The following ZNF778 variants were observed in gnomAD, a reference collection of about 807,000 sequenced individuals.
ZNF778 encodes zinc finger protein 778.
Under a neutral mutation model 23.9 loss-of-function variants are expected in ZNF778, and 37 were observed. The ratio of observed to expected loss-of-function variants is 1.54; its 90% CI spans 1.19 to 2.03. The LOEUF is 2.03. Ranked by LOEUF, ZNF778 falls within the 30% of genes most tolerant of loss-of-function variation. The probability of loss-of-function intolerance (pLI) is 0.00; values close to 1 mark genes in which losing one functional copy is unlikely to be tolerated. For missense variants in ZNF778, 1,297 were observed against 934.4 expected (o/e 1.39, Z -5.06); for synonymous variants, 483 against 343.9 (o/e 1.40, Z -4.48).
In ZNF778 at chr16:89,229,398, C is replaced by G; in HGVS notation, c.*836C>G. ...CTCTGGTTGGTTAGTCTTGAGGATC[C>G]AGATGTGATTCTGTGAGCAGTGTAG... On this transcript the variant is annotated 3_prime_UTR_variant, in exon 7 of 7. Coordinates refer to ENST00000433976, the MANE Select transcript of ZNF778 (RefSeq NM_001201407.2). 2.0e-6 allele frequency: 2 copies of G among 983,946 alleles called. No homozygotes were observed. Among genetic ancestry groups the G allele is most frequent in the South Asian group, 9.4e-5 (2 of 21,198 alleles). The allele number at this position is 983,946 out of a possible 1,614,324, so 61.0% of individuals were successfully genotyped here. A position where few individuals can be genotyped will look rare whatever the true frequency, so the allele number is the denominator to read the frequency against.
Position 89,217,721 on chromosome 16 carries a change from G to A in ZNF778, c.-321G>A, listed in dbSNP as rs1199647557. 6.6e-6 allele frequency: 1 copy of A among 152,382 alleles called. No homozygotes were observed. Among genetic ancestry groups the A allele is most frequent in the Non-Finnish European group, 1.5e-5 (1 of 68,046 alleles). The allele number at this position is 152,382 out of a possible 1,614,324, so 9.4% of individuals were successfully genotyped here. ...CCTCCGCCTGTCTTACAGCTGATCC[G>A]GTTCTTGCGGCGGTGCGTGCTGGCG... On this transcript the variant is annotated 5_prime_UTR_variant, in exon 1 of 7. Transcript: ENST00000433976.
In ZNF778 at chr16:89,232,926, C is replaced by T. The variant is rs544361723; in HGVS notation, c.*4364C>T. ...TGCAACTCAACTCGCACTGCGTATGCGAATCCACTCACTGCCTATGCAACT... is the reference window on the plus strand; with the variant it reads ...TGCAACTCAACTCGCACTGCGTATGTGAATCCACTCACTGCCTATGCAACT... On this transcript the variant is annotated 3_prime_UTR_variant, in exon 7 of 7. Coordinates refer to ENST00000433976, the MANE Select transcript of ZNF778 (RefSeq NM_001201407.2). 2.8e-4 allele frequency: 357 copies of T among 1,268,704 alleles called. No individual in the cohort carries two copies. The African/African-American group carries it at 4.8e-3, about 17-fold the overall frequency. The allele number at this position is 1,268,704 out of a possible 1,614,324, so 78.6% of individuals were successfully genotyped here.
rs968646824 is a variant in ZNF778 at position 89,232,475 on chromosome 16, T to G, written c.*3913T>G. On this transcript the variant is annotated 3_prime_UTR_variant, in exon 7 of 7. Coordinates refer to ENST00000433976, the MANE Select transcript of ZNF778 (RefSeq NM_001201407.2). ...TGGAAAACTGGGTTATGGGCAGGAC[T>G]GCAAGTACTGGTTAGGCAGATACCT... The G allele has an allele frequency of 1.6e-5, 7 of 432,816 alleles. No homozygotes were observed. Among genetic ancestry groups the G allele is most frequent in the East Asian group, 1.5e-4 (2 of 13,174 alleles). The allele number at this position is 432,816 out of a possible 1,614,324, so 26.8% of individuals were successfully genotyped here. A position where few individuals can be genotyped will look rare whatever the true frequency, so the allele number is the denominator to read the frequency against.
chr16:89,236,579 C>G lies in ZNF778; in HGVS notation c.*8017C>G, dbSNP rs1221471824. On this transcript the variant is annotated 3_prime_UTR_variant, in exon 7 of 7. Coordinates refer to ENST00000433976, the MANE Select transcript of ZNF778 (RefSeq NM_001201407.2). ...GATCAGATCATTCTACTCTTGAGTT[C>G]TTTAAAATATATATTATTGTCAAAA... 6.6e-6 allele frequency: 1 copy of G among 152,138 alleles called. No homozygotes were observed. Among genetic ancestry groups the G allele is most frequent in the Non-Finnish European group, 1.5e-5 (1 of 68,030 alleles). The allele number at this position is 152,138 out of a possible 1,614,324, so 9.4% of individuals were successfully genotyped here.
At chr16:89,223,468 C>T (rs2031166368) in intron 4 of ZNF778, among the ~76,000 whole-genome samples, 185 bp downstream of exon 4, 3 of 152,126 alleles carry the variant, frequency 2.0e-5, no homozygotes, top group Admixed American at 6.6e-5. Flanking sequence ...TGAGCATCAC[C>T]GTCACTCCTC....
chr16:89,235,262 A>T lies in ZNF778; in HGVS notation c.*6700A>T, dbSNP rs1231430416. 6.6e-6 allele frequency: 1 copy of T among 151,876 alleles called. No homozygotes were observed. The highest frequency in any genetic ancestry group is 1.5e-5 in the Non-Finnish European group (1 of 67,986). The allele number at this position is 151,876 out of a possible 1,614,324, so 9.4% of individuals were successfully genotyped here. On this transcript the variant is annotated 3_prime_UTR_variant, in exon 7 of 7. Transcript: ENST00000433976. The stretch of plus-strand genomic sequence containing the variant: ...CCACTAGGCTCCAGATCGGGGCCTC[A>T]TGCTGACTTCCGTTTTCACACAACG...
In ZNF778 at chr16:89,233,624, CACTG is replaced by C. The variant is rs1304240527; in HGVS notation, c.*5063_*5066del. 4.4e-6 allele frequency: 5 copies of C among 1,125,568 alleles called. No homozygotes were observed. The highest frequency in any genetic ancestry group is 5.8e-6 in the Non-Finnish European group (5 of 862,582). The allele number at this position is 1,125,568 out of a possible 1,614,324, so 69.7% of individuals were successfully genotyped here. On this transcript the variant is annotated 3_prime_UTR_variant, in exon 7 of 7. Coordinates refer to ENST00000433976, the MANE Select transcript of ZNF778 (RefSeq NM_001201407.2). ...CATACTGCATATGCAACTCAACTCA[CACTG>C]TATGCAACTCAGCTCGCTCTGCATA... is the stretch of plus-strand genomic sequence containing the variant.
intron 1 of ZNF778, 63 bp from the exon 2 acceptor site, chr16:89,220,934 G>A: frequency 3.3e-6 from 2 of 606,568 alleles, no homozygotes. Context: ...ATCATCTGCA[G>A]AAACAAGCTA....
Position 89,222,305 on chromosome 16 carries a change from C to T in ZNF778, c.117+122C>T, listed in dbSNP as rs574809267. On this transcript the variant is annotated intron_variant, in intron 3 of 6. Coordinates refer to ENST00000433976, the MANE Select transcript of ZNF778 (RefSeq NM_001201407.2). ...AAGGACCGAGTCCCTAGTTGAACGC[C>T]TCCAGGGAGAAGAGCCTGGCTGGTC... The T allele has an allele frequency of 4.2e-5, 24 of 574,782 alleles. 2 individuals are homozygous for T. In the South Asian group the frequency reaches 4.8e-4, roughly 12 times the overall value. The allele number at this position is 574,782 out of a possible 1,614,324, so 35.6% of individuals were successfully genotyped here. A position where few individuals can be genotyped will look rare whatever the true frequency, so the allele number is the denominator to read the frequency against.
Position 89,227,578 on chromosome 16 carries a change from C to T in ZNF778, c.1290C>T (p.Phe430=), listed in dbSNP as rs2031605510. 1 of 1,614,210 alleles carries T rather than the reference C, an allele frequency of 6.2e-7. No homozygotes were observed. The highest frequency in any genetic ancestry group is 8.5e-7 in the Non-Finnish European group (1 of 1,180,036). The stretch of plus-strand genomic sequence containing the variant: ...CATGCAGCTACTGTGGGAAGGCCTT[C>T]ACTGTGCGCTGTGGCCTTACTAGAC... ...PYTCSYCGKA[F]TVRCGLTRHV... Residue 430 remains phenylalanine (F), a synonymous_variant, in exon 7 of 7, where the codon TTC becomes TTT. Coordinates refer to ENST00000433976, the MANE Select transcript of ZNF778 (RefSeq NM_001201407.2).
chr16:89,226,054 G>T (rs962682234), intron 6 of ZNF778, among the ~76,000 whole-genome samples: 3 of 152,114 alleles, frequency 2.0e-5, no homozygotes, highest in Non-Finnish European at 2.9e-5. Flanking sequence ...TGGAACTAGA[G>T]GCATGTGCCA....
Position 89,228,959 on chromosome 16 carries a change from T to TG in ZNF778, c.*398dup. The TG allele has an allele frequency of 1.0e-6, 1 of 1,003,614 alleles. No homozygotes were observed. The highest frequency in any genetic ancestry group is 4.3e-5 in the South Asian group (1 of 23,110). 62.2% of individuals were successfully genotyped at this position (1,003,614 alleles called of 1,614,324 possible). A position where few individuals can be genotyped will look rare whatever the true frequency, so the allele number is the denominator to read the frequency against. Reference sequence around the variant, plus strand: ...TTTAGTAAACGTGGTGATTGACACTTGAAGTGTTGTGAATGTATGGAAGAT... The same window carrying TG: ...TTTAGTAAACGTGGTGATTGACACTTGGAAGTGTTGTGAATGTATGGAAGAT... On this transcript the variant is annotated 3_prime_UTR_variant, in exon 7 of 7. Coordinates refer to ENST00000433976, the MANE Select transcript of ZNF778 (RefSeq NM_001201407.2).
chr16:89,228,653 A>C lies in ZNF778; in HGVS notation c.*91A>C. ...TCTCCAGATGTCCATGACTTGAGGA[A>C]TGTGGCTAGGCAATCAGCATCTCAT... On this transcript the variant is annotated 3_prime_UTR_variant, in exon 7 of 7. Transcript: ENST00000433976. 1 of 1,511,078 alleles carries C rather than the reference A, an allele frequency of 6.6e-7. No homozygotes were observed. The highest frequency in any genetic ancestry group is 8.8e-7 in the Non-Finnish European group (1 of 1,135,968). The allele number at this position is 1,511,078 out of a possible 1,614,324, so 93.6% of individuals were successfully genotyped here. A position where few individuals can be genotyped will look rare whatever the true frequency, so the allele number is the denominator to read the frequency against.
In ZNF778 at chr16:89,228,419, A is replaced by T; in HGVS notation, c.2131A>T (p.Asn711Tyr). The T allele has an allele frequency of 6.2e-7, 1 of 1,613,944 alleles. No homozygotes were observed. The highest frequency in any genetic ancestry group is 8.5e-7 in the Non-Finnish European group (1 of 1,179,866). ...ATGTAAGGAATGTGGGAAAGCATAC[A>T]ATAGGTTTTATCTACTAAAAGAACA... Reference protein sequence around the residue: ...YKCKECGKAYNRFYLLKEHLK... With the variant: ...YKCKECGKAYYRFYLLKEHLK... Residue 711 changes from asparagine to tyrosine, a missense_variant, in exon 7 of 7, where the codon AAT (asparagine) becomes TAT (tyrosine). Physicochemically the swap from Asn to Tyr is moderately radical, Grantham distance 143. Coordinates refer to ENST00000433976, the MANE Select transcript of ZNF778 (RefSeq NM_001201407.2).
chr16:89,227,353 C>A lies in ZNF778; in HGVS notation c.1065C>A (p.His355Gln), dbSNP rs372110540. The A allele has an allele frequency of 3.1e-6, 5 of 1,613,978 alleles. No individual in the cohort carries two copies. The East Asian group carries it at 8.9e-5, about 29-fold the overall frequency. Reference protein sequence around the residue: ...AFTGLSGLSKHVQTDPGQKPY... With the variant: ...AFTGLSGLSKQVQTDPGQKPY... ...CTGGACTCTCAGGTCTTTCTAAACA[C>A]GTCCAAACAGACCCTGGACAGAAGC... is the stretch of plus-strand genomic sequence containing the variant. Residue 355 changes from histidine to glutamine, a missense_variant, in exon 7 of 7, where the codon CAC (histidine) becomes CAA (glutamine). His to Gln is a conservative substitution (Grantham distance 24, BLOSUM62 0). Coordinates refer to ENST00000433976, the MANE Select transcript of ZNF778 (RefSeq NM_001201407.2).
In ZNF778 at chr16:89,226,787, CAA is replaced by C; in HGVS notation, c.502_503del (p.Asn168TyrfsTer8). On this transcript the variant is annotated frameshift_variant, in exon 7 of 7. Coordinates refer to ENST00000433976, the MANE Select transcript of ZNF778 (RefSeq NM_001201407.2). LOFTEE classifies it low-confidence loss of function (END_TRUNC). ...AGGCCTCAGCACACACGTGAGAACT[CAA>C]AATACAGGAGACAGTTGTGTGTCTA... ...HSGLSTHVRT[Q>X]NTGDSCVSNH... is the part of the protein sequence containing the mutation. 1 of 1,614,000 alleles carries C rather than the reference CAA, an allele frequency of 6.2e-7. No individual in the cohort carries two copies. The highest frequency in any genetic ancestry group is 1.1e-5 in the South Asian group (1 of 91,074).
In ZNF778 at chr16:89,231,681, G is replaced by A. The variant is rs1489694812; in HGVS notation, c.*3119G>A. On this transcript the variant is annotated 3_prime_UTR_variant, in exon 7 of 7. Transcript: ENST00000433976. ...ACAGCCCTGCACCCCTTGCCTGTAG[G>A]AAAATCTGGTAGGAGTTAGTAGTGT... The A allele has an allele frequency of 2.0e-5, 3 of 152,178 alleles. No individual in the cohort carries two copies. The East Asian group carries it at 5.8e-4, about 29-fold the overall frequency. The allele number at this position is 152,178 out of a possible 1,614,324, so 9.4% of individuals were successfully genotyped here. A position where few individuals can be genotyped will look rare whatever the true frequency, so the allele number is the denominator to read the frequency against.
chr16:89,217,939 C>G (rs1269276017), intron 1 of ZNF778, 29 bp downstream of exon 1: 1 of 152,366 alleles, frequency 6.6e-6, no homozygotes, highest in Non-Finnish European at 1.5e-5. Flanking sequence ...GCTTCCTTCA[C>G]TTTGAACAGG....
Position 89,228,712 on chromosome 16 carries a change from C to A in ZNF778, c.*150C>A, listed in dbSNP as rs1019447997. On this transcript the variant is annotated 3_prime_UTR_variant, in exon 7 of 7. Coordinates refer to ENST00000433976, the MANE Select transcript of ZNF778 (RefSeq NM_001201407.2). ...GGCAGGCAGGAACTCACCCTGGAGC[C>A]CTATGCAGCAGACACAGAGAAAGCC... is the stretch of plus-strand genomic sequence containing the variant. 1 of 1,444,326 alleles carries A rather than the reference C, an allele frequency of 6.9e-7. No homozygotes were observed. Among genetic ancestry groups the A allele is most frequent in the East Asian group, 2.5e-5 (1 of 40,238 alleles). 89.5% of individuals were successfully genotyped at this position (1,444,326 alleles called of 1,614,324 possible).
Sources: gnomAD v4.1 joint callset for allele counts (sites outside exome capture counted in the v4.1 genomes callset) on GRCh38, gnomAD v4.1.1 for gene constraint, MANE v1.5 for transcripts, NCBI Gene and HGNC (gene_info 2026-07-23, HGNC 2026-07-21) for gene names.